KCNMA1: variants seen among roughly 807,000 people sequenced by gnomAD.
KCNMA1 encodes the protein potassium calcium-activated channel subfamily M alpha 1, also known as Calcium-activated potassium channel subunit alpha-1.
Under a neutral mutation model 140.0 loss-of-function variants are expected in KCNMA1, and 29 were observed. That is an observed-to-expected ratio of 0.21 (90% CI 0.15 to 0.28). KCNMA1 has a LOEUF of 0.28. KCNMA1 is among the 10% of genes least tolerant of loss of function. The pLI is 1.00. For synonymous variants in KCNMA1, 612 were observed against 611.9 expected (o/e 1.00, Z 0.00); for missense variants, 880 against 1,602.2 (o/e 0.55, Z 7.70).
chr10:77,127,869 G>A (rs1053293869), intron 5 of KCNMA1, among the ~76,000 whole-genome samples: 5 of 152,094 alleles, frequency 3.3e-5, no homozygotes, highest in African/African-American at 1.2e-4. Flanking sequence ...AGCTACTTGG[G>A]AGGCTGAGGC....
chr10:77,536,820 C>T (rs544396543), intron 1 of KCNMA1, among the ~76,000 whole-genome samples: 3 of 152,288 alleles, frequency 2.0e-5, no homozygotes, highest in Admixed American at 1.3e-4. Flanking sequence ...GTCTCCTCCC[C>T]AGAGCTGCCA....
intron 1 of KCNMA1, among the ~76,000 whole-genome samples, chr10:77,599,789 A>G (rs2082067173): frequency 1.3e-5 from 2 of 152,160 alleles, no homozygotes; most frequent in South Asian, 2.1e-4. Flanking sequence ...TTTCAGGGTC[A>G]GGAGGAACAA....
chr10:77,284,193 G>A (rs1237847546), intron 2 of KCNMA1, among the ~76,000 whole-genome samples: 1 of 152,152 alleles, frequency 6.6e-6, no homozygotes, highest in Non-Finnish European at 1.5e-5. Flanking sequence ...AAAGGTGACT[G>A]GGTGATAGGC....
chr10:76,934,566 T>C (rs1260848927), intron 23 of KCNMA1, among the ~76,000 whole-genome samples: 1 of 152,196 alleles, frequency 6.6e-6, no homozygotes, highest in African/African-American at 2.4e-5. Context: ...ATACAACTTA[T>C]TTTATGTTTC....
intron 1 of KCNMA1, among the ~76,000 whole-genome samples, chr10:77,624,121 G>A (rs749496738): frequency 3.9e-5 from 6 of 152,180 alleles, no homozygotes; most frequent in Non-Finnish European, 8.8e-5. Context: ...GGAATGCTCC[G>A]TGGAACAGGG....
intron 2 of KCNMA1, among the ~76,000 whole-genome samples, chr10:77,296,918 G>GGGGGGGGGGGGA (rs34224383): frequency 2.1e-5 from 3 of 144,604 alleles, no homozygotes; most frequent in Non-Finnish European, 3.1e-5. Flanking sequence ...TGGGCGGGGG[G>GGGGGGGGGGGGA]GCGGTGGGGG....
chr10:77,513,255 C>T (rs1253484964), intron 1 of KCNMA1, among the ~76,000 whole-genome samples: 2 of 152,304 alleles, frequency 1.3e-5, no homozygotes, highest in African/African-American at 2.4e-5. Context: ...ACGTGGAACG[C>T]TCTTCCCCCA....
chr10:76,968,618 C>G (rs2074874271), intron 20 of KCNMA1, among the ~76,000 whole-genome samples: 1 of 152,174 alleles, frequency 6.6e-6, no homozygotes, highest in Admixed American at 6.5e-5. Flanking sequence ...TGAATGCTAG[C>G]ATGACACTGG....
intron 14 of KCNMA1, among the ~76,000 whole-genome samples, chr10:77,062,682 T>C (rs747586182): frequency 1.3e-5 from 2 of 152,240 alleles, no homozygotes; most frequent in Non-Finnish European, 2.9e-5. Context: ...GGCAGACATA[T>C]GTATCTCCTA....
At chr10:77,570,946 C>G (rs931549537) in intron 1 of KCNMA1, among the ~76,000 whole-genome samples, 2 of 143,506 alleles carry the variant, frequency 1.4e-5, no homozygotes, top group Non-Finnish European at 3.1e-5. Context: ...AAAAAAAATA[C>G]TTTCTTTGAT....
chr10:77,169,881 G>A (rs886670509), intron 5 of KCNMA1, among the ~76,000 whole-genome samples: 1 of 152,158 alleles, frequency 6.6e-6, no homozygotes, highest in African/African-American at 2.4e-5. Context: ...CATTTATTTC[G>A]AGTGATATAG....
intron 1 of KCNMA1, among the ~76,000 whole-genome samples, chr10:77,488,057 A>G (rs1232100849): frequency 6.6e-6 from 1 of 152,198 alleles, no homozygotes. Flanking sequence ...CATTCAATAT[A>G]TGCCTATTAA....
intron 2 of KCNMA1, among the ~76,000 whole-genome samples, chr10:77,252,410 G>T (rs972976278): frequency 6.6e-6 from 1 of 152,170 alleles, no homozygotes; most frequent in Non-Finnish European, 1.5e-5. Flanking sequence ...GAGACTGCAG[G>T]CTGAAGGGCA....
At chr10:77,037,692 C>T (rs1002025908) in intron 15 of KCNMA1, among the ~76,000 whole-genome samples, 93 of 152,322 alleles carry the variant, frequency 6.1e-4, no homozygotes, top group African/African-American at 2.2e-3. Context: ...TGCTGACACC[C>T]TCACCAACAT....
At chr10:77,574,498 T>G (rs2154561640) in intron 1 of KCNMA1, among the ~76,000 whole-genome samples, 1 of 152,284 alleles carries the variant, frequency 6.6e-6, no homozygotes, top group South Asian at 2.1e-4. Flanking sequence ...GCATTCTGTA[T>G]TAAAATCATC....
At chr10:77,034,221 G>T (rs565266300) in intron 15 of KCNMA1, among the ~76,000 whole-genome samples, 1 of 147,128 alleles carries the variant, frequency 6.8e-6, no homozygotes, top group African/African-American at 2.5e-5. Context: ...TCGAGCTTGG[G>T]CTACAGAGTG....
chr10:77,584,859 C>T (rs2076831798), intron 1 of KCNMA1, among the ~76,000 whole-genome samples: 1 of 152,218 alleles, frequency 6.6e-6, no homozygotes, highest in Non-Finnish European at 1.5e-5. Flanking sequence ...CACTCGGCTG[C>T]ACTTAAGGCT....
At chr10:77,237,559 G>T (rs1430862900) in intron 3 of KCNMA1, among the ~76,000 whole-genome samples, 3 of 152,196 alleles carry the variant, frequency 2.0e-5, no homozygotes, top group Admixed American at 2.0e-4. Flanking sequence ...CTGTGCTGAA[G>T]CCATGCTCCC....
At chr10:77,396,165 G>T (rs1397495338) in intron 2 of KCNMA1, among the ~76,000 whole-genome samples, 1 of 152,120 alleles carries the variant, frequency 6.6e-6, no homozygotes, top group Non-Finnish European at 1.5e-5. Flanking sequence ...CAGAGAGCAG[G>T]ACATACCTAT....
Sources: gnomAD v4.1 joint callset for allele counts (sites outside exome capture counted in the v4.1 genomes callset) on GRCh38, gnomAD v4.1.1 for gene constraint, MANE v1.5 for transcripts, NCBI Gene and HGNC (gene_info 2026-07-23, HGNC 2026-07-21) for gene names.